The following GRID2 variants were observed in gnomAD, a reference collection of about 807,000 sequenced individuals.
The protein encoded by GRID2 is glutamate receptor ionotropic, delta-2.
A neutral mutation model predicts 114.8 loss-of-function variants in GRID2; 33 were observed. That is an observed-to-expected ratio of 0.29 (90% CI 0.22 to 0.38). The LOEUF is 0.38. GRID2 is among the 10% of genes least tolerant of loss of function. GRID2 has a pLI of 1.00. For synonymous variants in GRID2, 505 were observed against 449.9 expected, an observed-to-expected ratio of 1.12 and a Z score of -1.55; for missense variants, 1,184 against 1,257.7, an observed-to-expected ratio of 0.94 and a Z score of 0.89.
chr4:92,775,871 A>T (rs1738769147), intron 2 of GRID2, among the ~76,000 whole-genome samples: 1 of 152,166 alleles, frequency 6.6e-6, no homozygotes, highest in Non-Finnish European at 1.5e-5. Flanking sequence ...ATTAATGCTC[A>T]CAACAAAAAT....
chr4:93,429,797 T>A (rs968072894), intron 10 of GRID2, among the ~76,000 whole-genome samples: 1 of 152,226 alleles, frequency 6.6e-6, no homozygotes, highest in African/African-American at 2.4e-5. Flanking sequence ...TATAGCACCA[T>A]TGAGAGTCCT....
chr4:93,116,094 C>T (rs570043070), intron 4 of GRID2, among the ~76,000 whole-genome samples: 3 of 152,222 alleles, frequency 2.0e-5, no homozygotes, highest in Non-Finnish European at 2.9e-5. Context: ...CCTGCACATC[C>T]TCTCAATATA....
chr4:92,880,943 C>G (rs1430875393), intron 2 of GRID2, among the ~76,000 whole-genome samples: 1 of 152,032 alleles, frequency 6.6e-6, no homozygotes, highest in Non-Finnish European at 1.5e-5. Flanking sequence ...ACTCTGTCGC[C>G]CCAGGCTGGA....
chr4:93,780,923 A>G (rs185646511), intron 1 of GRID2, among the ~76,000 whole-genome samples: 22 of 152,346 alleles, frequency 1.4e-4, no homozygotes, highest in Admixed American at 1.3e-3. Context: ...TATGTGCTGA[A>G]CTTCTGAAGT....
chr4:93,189,101 A>G (rs952942157), intron 4 of GRID2, among the ~76,000 whole-genome samples: 8 of 152,132 alleles, frequency 5.3e-5, no homozygotes, highest in Admixed American at 4.6e-4. Context: ...GGTTCTGCCC[A>G]TTACCCAGTT....
At chr4:92,395,591 G>A (rs1461393972) in intron 1 of GRID2, among the ~76,000 whole-genome samples, 5 of 151,560 alleles carry the variant, frequency 3.3e-5, no homozygotes, top group African/African-American at 9.7e-5. Flanking sequence ...GGTCTATAAC[G>A]AGCTCTCTTG....
chr4:92,679,455 C>T (rs1423692512), intron 2 of GRID2, among the ~76,000 whole-genome samples: 1 of 152,016 alleles, frequency 6.6e-6, no homozygotes, highest in Non-Finnish European at 1.5e-5. Context: ...TTCCATCTTA[C>T]TTTTCAGATG....
chr4:93,253,289 A>C (rs1187228136), intron 8 of GRID2, among the ~76,000 whole-genome samples: 1 of 152,008 alleles, frequency 6.6e-6, no homozygotes, highest in African/African-American at 2.4e-5. Flanking sequence ...CTCAGTTCTT[A>C]CCATAACCAA....
chr4:93,769,366 T>G lies in GRID2; in HGVS notation c.2517T>G (p.Ala839=). ...KSFAGVFCIL[A]AGIVLSCFIA... is the part of the protein sequence containing the mutation. The stretch of plus-strand genomic sequence containing the variant: ...TTGCAGGGGTCTTTTGTATCCTGGC[T>G]GCTGGAATTGTCCTCTCCTGCTTCA... The change falls in exon 15 of 16, where the codon GCT becomes GCG. Residue 839 remains alanine (A), a synonymous_variant. Coordinates refer to ENST00000282020, the MANE Select transcript of GRID2 (RefSeq NM_001510.4). 6.2e-7 allele frequency: 1 copy of G among 1,614,028 alleles called. No individual in the cohort carries two copies. Among genetic ancestry groups the G allele is most frequent in the Non-Finnish European group, 8.5e-7 (1 of 1,179,940 alleles).
intron 4 of GRID2, among the ~76,000 whole-genome samples, chr4:93,163,356 G>GTATATATATA (rs57285537): frequency 2.0e-4 from 11 of 56,246 alleles, no homozygotes; most frequent in Admixed American, 2.2e-4. Flanking sequence ...TTTTTTTTGT[G>GTATATATATA]TATATATATA....
At chr4:92,970,913 T>C (rs891316295) in intron 2 of GRID2, among the ~76,000 whole-genome samples, 1 of 151,836 alleles carries the variant, frequency 6.6e-6, no homozygotes, top group Non-Finnish European at 1.5e-5. Flanking sequence ...AGTGTGTTAA[T>C]TAGCATTGCA....
intron 1 of GRID2, among the ~76,000 whole-genome samples, chr4:92,319,089 T>C (rs1030253493): frequency 1.3e-5 from 2 of 152,196 alleles, no homozygotes; most frequent in African/African-American, 4.8e-5. Context: ...GATATTACAC[T>C]ACAATTATTA....
chr4:93,318,628 T>TA (rs1756924374), intron 8 of GRID2: 3 of 151,892 alleles, frequency 2.0e-5, no homozygotes, highest in Admixed American at 6.6e-5. Context: ...GTATCTTTTT[T>TA]TAAAAAAAAC....
At chr4:93,726,026 T>A (rs1729849476) in intron 14 of GRID2, among the ~76,000 whole-genome samples, 1 of 152,244 alleles carries the variant, frequency 6.6e-6, no homozygotes, top group African/African-American at 2.4e-5. Context: ...TGGTTGCCAT[T>A]GCTTTTGGTG....
chr4:93,170,844 A>G (rs1738741376), intron 4 of GRID2, among the ~76,000 whole-genome samples: 1 of 148,646 alleles, frequency 6.7e-6, no homozygotes. Context: ...CCTTAGAGTC[A>G]TGTTTGATTC....
intron 13 of GRID2, among the ~76,000 whole-genome samples, chr4:93,560,373 A>C (rs1012219154): frequency 1.3e-5 from 2 of 151,894 alleles, no homozygotes; most frequent in African/African-American, 4.8e-5. Context: ...AGCTTCAGGG[A>C]GCTTTTACTC....
chr4:93,656,815 GCGAGACT>G lies in GRID2; in HGVS notation c.2360+30382_2360+30388del, dbSNP rs1234195314. Among the ~76,000 whole-genome samples the G allele has an allele frequency of 3.2e-5, 3 of 94,796 alleles. 1 individual carries two copies. The highest frequency in any genetic ancestry group is 6.3e-5 in the Non-Finnish European group (3 of 47,958). 62.2% of individuals were successfully genotyped at this position (94,796 alleles called of 152,430 possible). On this transcript the variant is annotated intron_variant, in intron 14 of 15. Transcript: ENST00000282020. ...ACTGCACTTCAGCCTGGGTGACAGA[GCGAGACT>G]CTGCCTCAAAAAAAAAAAAAAAAAA...
At chr4:93,564,317 A>G (rs1351812356) in intron 13 of GRID2, among the ~76,000 whole-genome samples, 1 of 151,788 alleles carries the variant, frequency 6.6e-6, no homozygotes, top group East Asian at 1.9e-4. Flanking sequence ...TTATTTATTT[A>G]TTTTGTTTCA....
At chr4:92,805,139 T>A (rs1740349108) in intron 2 of GRID2, among the ~76,000 whole-genome samples, 1 of 152,020 alleles carries the variant, frequency 6.6e-6, no homozygotes, top group African/African-American at 2.4e-5. Context: ...AGATTAAATT[T>A]GCTTATGTTT....
Sources: gnomAD v4.1 joint callset for allele counts (sites outside exome capture counted in the v4.1 genomes callset) on GRCh38, gnomAD v4.1.1 for gene constraint, MANE v1.5 for transcripts, NCBI Gene and HGNC (gene_info 2026-07-23, HGNC 2026-07-21) for gene names.